The following MAGI2 variants were observed in gnomAD, a reference collection of about 807,000 sequenced individuals.
MAGI2 encodes membrane-associated guanylate kinase, WW and PDZ domain-containing protein 2.
A neutral mutation model predicts 133.3 loss-of-function variants in MAGI2; 35 were observed. That is an observed-to-expected ratio of 0.26 (90% CI 0.20 to 0.35). MAGI2 has a LOEUF of 0.35. Ranked by LOEUF, MAGI2 falls within the 10% of genes least tolerant of loss-of-function variation. MAGI2 has a pLI of 1.00. For missense variants in MAGI2, 1,636 were observed against 1,863.4 expected (o/e 0.88, Z 2.25); for synonymous variants, 729 against 710.6 (o/e 1.03, Z -0.41).
chr7:78,524,174 G>A (rs1419742453), intron 3 of MAGI2, among the ~76,000 whole-genome samples: 1 of 152,164 alleles, frequency 6.6e-6, no homozygotes, highest in African/African-American at 2.4e-5. Flanking sequence ...GAGGGAGAGG[G>A]AGGGGGAGCC....
chr7:78,454,152 C>T (rs906318075), intron 6 of MAGI2, among the ~76,000 whole-genome samples: 10 of 152,130 alleles, frequency 6.6e-5, no homozygotes, highest in African/African-American at 2.4e-4. Flanking sequence ...ACTAACAGAG[C>T]ATAATGTGAT....
intron 2 of MAGI2, among the ~76,000 whole-genome samples, chr7:78,808,299 C>A (rs565140664): frequency 3.9e-5 from 6 of 152,190 alleles, no homozygotes; most frequent in South Asian, 2.1e-4. Context: ...CTCTGTCACC[C>A]AGGCTGGAGT....
chr7:78,499,639 A>T (rs1193349686), intron 5 of MAGI2, among the ~76,000 whole-genome samples: 1 of 103,084 alleles, frequency 9.7e-6, no homozygotes, highest in Non-Finnish European at 2.0e-5. Context: ...TTTACTTTAT[A>T]ATCACACACA....
chr7:78,185,792 C>CT (rs201094303), intron 12 of MAGI2, 122 bp from the exon 13 acceptor site: 255 of 627,832 alleles, frequency 4.1e-4, no homozygotes, highest in South Asian at 7.3e-4. Flanking sequence ...ATGTTTAAGA[C>CT]TTTTTTTTTC....
At chr7:79,040,406 T>A (rs904482278) in intron 1 of MAGI2, among the ~76,000 whole-genome samples, 1 of 152,030 alleles carries the variant, frequency 6.6e-6, no homozygotes, top group Non-Finnish European at 1.5e-5. Flanking sequence ...CTAATACATA[T>A]GTGGAAGCTA....
chr7:78,371,499 G>A (rs544409731), intron 6 of MAGI2, among the ~76,000 whole-genome samples: 152 of 152,000 alleles, frequency 1.0e-3, no homozygotes, highest in Non-Finnish European at 1.8e-3. Context: ...TAATGCCAAT[G>A]CCATATGGAA....
intron 10 of MAGI2, among the ~76,000 whole-genome samples, chr7:78,237,515 C>T (rs1409812271): frequency 2.0e-5 from 3 of 152,166 alleles, no homozygotes; most frequent in Admixed American, 6.5e-5. Context: ...ACAATGAATG[C>T]AATTTCCCTG....
chr7:78,278,925 A>T (rs1349294180), intron 9 of MAGI2, among the ~76,000 whole-genome samples: 3 of 152,184 alleles, frequency 2.0e-5, no homozygotes, highest in African/African-American at 7.2e-5. Flanking sequence ...TGAAAAGAGG[A>T]GTCTGATCTC....
rs534522237 is a variant in MAGI2, at chr7:78,168,423, T to G, written c.2404-315A>C. Reference sequence around the variant, plus strand: ...AGTTGTTTAGTGCTAGAGATAAATATTTTGAACATGCTGCAGACTGCCATG... The same window carrying G: ...AGTTGTTTAGTGCTAGAGATAAATAGTTTGAACATGCTGCAGACTGCCATG... On this transcript the variant is annotated intron_variant, in intron 14 of 21. Transcript: ENST00000354212. Among the ~76,000 whole-genome samples, 19 of 152,310 alleles carry G rather than the reference T, an allele frequency of 1.2e-4. No homozygotes were observed. The South Asian group carries it at 2.9e-3, about 23-fold the overall frequency.
intron 2 of MAGI2, among the ~76,000 whole-genome samples, chr7:78,772,116 A>C (rs756173677): frequency 6.6e-6 from 1 of 152,166 alleles, no homozygotes; most frequent in Non-Finnish European, 1.5e-5. Context: ...CCTAGGCCCT[A>C]AAGAGTAAAT....
chr7:78,129,892 A>C (rs1294876022), intron 18 of MAGI2, among the ~76,000 whole-genome samples: 2 of 135,004 alleles, frequency 1.5e-5, no homozygotes, highest in Non-Finnish European at 3.0e-5. Flanking sequence ...CCGAGATTGC[A>C]CCGTTGCACT....
chr7:79,197,234 G>T (rs1828165703), intron 1 of MAGI2, among the ~76,000 whole-genome samples: 2 of 151,868 alleles, frequency 1.3e-5, no homozygotes, highest in South Asian at 2.1e-4. Context: ...TCATTTTGCT[G>T]CTTGCCAGAA....
At chr7:79,071,200 G>A (rs1043098747) in intron 1 of MAGI2, among the ~76,000 whole-genome samples, 1 of 152,154 alleles carries the variant, frequency 6.6e-6, no homozygotes, top group Admixed American at 6.5e-5. Context: ...CTAAAATAAG[G>A]CTGCTGTTCT....
chr7:78,757,540 C>A (rs1376409280), intron 2 of MAGI2, among the ~76,000 whole-genome samples: 1 of 152,134 alleles, frequency 6.6e-6, no homozygotes, highest in African/African-American at 2.4e-5. Context: ...TCTCTATCTC[C>A]ATTTCCGTTT....
chr7:79,052,892 T>A (rs1417372048), intron 1 of MAGI2, among the ~76,000 whole-genome samples: 1 of 152,176 alleles, frequency 6.6e-6, no homozygotes, highest in East Asian at 1.9e-4. Context: ...CATCTTTACA[T>A]GCTTTTATTA....
At chr7:78,188,733 A>T (rs1160181412) in intron 12 of MAGI2, among the ~76,000 whole-genome samples, 1 of 152,228 alleles carries the variant, frequency 6.6e-6, no homozygotes, top group African/African-American at 2.4e-5. Flanking sequence ...CTGGGAAGGC[A>T]TGATGGCCTT....
intron 1 of MAGI2, among the ~76,000 whole-genome samples, chr7:79,084,525 C>T (rs1205170777): frequency 6.6e-6 from 1 of 151,584 alleles, no homozygotes; most frequent in African/African-American, 2.4e-5. Flanking sequence ...TGTTAAATGA[C>T]TTCAGTTTTT....
At chr7:78,724,320 CTG>C (rs753553812) in intron 2 of MAGI2, among the ~76,000 whole-genome samples, 3 of 152,028 alleles carry the variant, frequency 2.0e-5, no homozygotes, top group Admixed American at 6.5e-5. Flanking sequence ...AGACTAAAGA[CTG>C]AAAAAGTAAT....
rs1193288082 is a variant in MAGI2, at chr7:78,536,397, C to T, written c.539-14752G>A. The stretch of plus-strand genomic sequence containing the variant: ...AAAGTGCTGGGATTACAGGCGTGAG[C>T]CACCGCGCCCGGCCGAATTAAACTC... On this transcript the variant is annotated intron_variant, in intron 3 of 21. Coordinates refer to ENST00000354212, the MANE Select transcript of MAGI2 (RefSeq NM_012301.4). Among the ~76,000 whole-genome samples, 3 of 152,118 alleles carry T rather than the reference C, an allele frequency of 2.0e-5. No homozygotes were observed. The East Asian group carries it at 5.8e-4, about 30-fold the overall frequency.
Sources: allele counts gnomAD v4.1 joint callset (sites outside exome capture counted in the v4.1 genomes callset), GRCh38; gene constraint gnomAD v4.1.1; transcripts MANE v1.5; gene names NCBI Gene and HGNC (gene_info 2026-07-23, HGNC 2026-07-21).